The following LOC400499 variants were observed in gnomAD, a reference collection of about 807,000 sequenced individuals.
At chr16:11,521,261 A>G in the LOC400499 span, among the ~76,000 whole-genome samples, 1,941 of 152,294 alleles carry the variant, frequency 0.013, 42 homozygotes, top group African/African-American at 0.045. Flanking sequence ...TGAGACTCCA[A>G]CAGAAACTAA....
the LOC400499 span, among the ~76,000 whole-genome samples, chr16:11,496,478 C>T: frequency 1.3e-5 from 2 of 152,142 alleles, no homozygotes; most frequent in Non-Finnish European, 2.9e-5. Context: ...TGTGTGTGTG[C>T]ATATTGGTGT....
the LOC400499 span, among the ~76,000 whole-genome samples, chr16:11,400,638 G>A: frequency 1.3e-5 from 2 of 151,926 alleles, no homozygotes; most frequent in African/African-American, 2.4e-5. Context: ...ACAGGATTTC[G>A]CCATGTTGGC....
the LOC400499 span, among the ~76,000 whole-genome samples, chr16:11,418,750 G>A: frequency 6.6e-6 from 1 of 152,210 alleles, no homozygotes; most frequent in Non-Finnish European, 1.5e-5. Flanking sequence ...AGGCATTGTG[G>A]CAGAGACTGC....
At chr16:11,466,106 T>C in the LOC400499 span, among the ~76,000 whole-genome samples, 1 of 152,144 alleles carries the variant, frequency 6.6e-6, no homozygotes, top group Non-Finnish European at 1.5e-5. Flanking sequence ...CACAGCAATT[T>C]GCGCTACACA....
At chr16:11,514,211 A>G in the LOC400499 span, 1 of 397,274 alleles carries the variant, frequency 2.5e-6, no homozygotes, top group Non-Finnish European at 4.4e-6. Context: ...AGAAGTGGCT[A>G]ACTCTCCTGA....
At chr16:11,495,931 C>T in the LOC400499 span, among the ~76,000 whole-genome samples, 3 of 152,230 alleles carry the variant, frequency 2.0e-5, no homozygotes, top group African/African-American at 7.2e-5. Context: ...TCTCAAAATG[C>T]AAATTCTGGG....
At chr16:11,486,890 GGC>G in the LOC400499 span, among the ~76,000 whole-genome samples, 1 of 113,762 alleles carries the variant, frequency 8.8e-6, no homozygotes, top group African/African-American at 3.4e-5. Flanking sequence ...GGGGGTGGGG[GGC>G]TGGATGAATG....
chr16:11,379,151 G>A, the LOC400499 span, among the ~76,000 whole-genome samples: 1 of 152,164 alleles, frequency 6.6e-6, no homozygotes, highest in Admixed American at 6.5e-5. Context: ...GCTACTCTGA[G>A]GCCTAAGAAT....
the LOC400499 span, among the ~76,000 whole-genome samples, chr16:11,420,702 G>A: frequency 2.0e-5 from 3 of 150,726 alleles, no homozygotes; most frequent in African/African-American, 4.9e-5. Flanking sequence ...GATGACAGAC[G>A]GGGAGAGGGC....
At chr16:11,397,522 A>G in the LOC400499 span, among the ~76,000 whole-genome samples, 7,520 of 152,076 alleles carry the variant, frequency 0.049, 471 homozygotes, top group African/African-American at 0.15. Context: ...ATCTGCCTGC[A>G]TCGGCCTCCC....
At chr16:11,457,049 G>C in the LOC400499 span, 3 of 1,510,418 alleles carry the variant, frequency 2.0e-6, no homozygotes, top group East Asian at 7.4e-5. Flanking sequence ...ACTGGAGAAT[G>C]CCCACCCCCC....
At chr16:11,500,705 G>C in the LOC400499 span, 66 of 397,198 alleles carry the variant, frequency 1.7e-4, no homozygotes, top group Non-Finnish European at 2.2e-4. Context: ...ATCCTACGAG[G>C]GGCTGGCACA....
the LOC400499 span, among the ~76,000 whole-genome samples, chr16:11,415,447 T>A: frequency 6.6e-6 from 1 of 152,102 alleles, no homozygotes; most frequent in African/African-American, 2.4e-5. Flanking sequence ...ATCTATGAGG[T>A]GGGCACAGCC....
At chr16:11,498,760 G>C in the LOC400499 span, among the ~76,000 whole-genome samples, 13 of 151,622 alleles carry the variant, frequency 8.6e-5, no homozygotes, top group Non-Finnish European at 1.6e-4. Flanking sequence ...AAGCTTCTGG[G>C]CTCCACAAGC....
the LOC400499 span, chr16:11,465,529 T>C: frequency 1.3e-5 from 2 of 152,078 alleles, no homozygotes; most frequent in Middle Eastern, 3.2e-3. Context: ...CCAGGTACCC[T>C]TGGGTAAGAA....
chr16:11,444,400 T>C, the LOC400499 span, among the ~76,000 whole-genome samples: 9 of 152,070 alleles, frequency 5.9e-5, no homozygotes, highest in Admixed American at 3.9e-4. Flanking sequence ...AGACCCTGCC[T>C]CAAAAAAGAC....
the LOC400499 span, chr16:11,448,155 GCC>G: frequency 1.4e-6 from 2 of 1,455,434 alleles, no homozygotes; most frequent in Non-Finnish European, 1.8e-6. Context: ...GCAAGAGGTA[GCC>G]CCCCACAACC....
the LOC400499 span, chr16:11,515,871 GCCCAGCCCAGCCCAGCCCAGC>G: frequency 4.8e-5 from 1 of 20,716 alleles, no homozygotes; most frequent in East Asian, 3.0e-4. Context: ...GCCCAGCCCA[GCCCAGCCCAGCCCAGCCCAGC>G]CTAGCCCAGC....
the LOC400499 span, chr16:11,448,111 G>A: frequency 6.6e-7 from 1 of 1,517,674 alleles, no homozygotes; most frequent in Non-Finnish European, 8.8e-7. Flanking sequence ...GGACGGGCCA[G>A]CAGGACCAAG....
Sources: gnomAD v4.1 joint callset for allele counts (sites outside exome capture counted in the v4.1 genomes callset) on GRCh38, gnomAD v4.1.1 for gene constraint, MANE v1.5 for transcripts.